RAP1B: variants seen among roughly 807,000 people sequenced by gnomAD.
RAP1B encodes the protein ras-related protein Rap-1b.
A neutral mutation model predicts 27.5 loss-of-function variants in RAP1B; 1 was observed. That is an observed-to-expected ratio of 0.04 (90% CI 0.01 to 0.17). The LOEUF (loss-of-function observed/expected upper bound fraction) is 0.17, where lower values mean the gene tolerates loss of function less well. RAP1B is among the 10% of genes least tolerant of loss of function. RAP1B has a pLI of 1.00. For missense variants in RAP1B, 84 were observed against 214.8 expected, an observed-to-expected ratio of 0.39 and a Z score of 3.81; for synonymous variants, 75 against 73.1, an observed-to-expected ratio of 1.03 and a Z score of -0.13.
At chr12:68,635,593 T>A (rs531945795) in intron 1 of RAP1B, among the ~76,000 whole-genome samples, 2 of 151,882 alleles carry the variant, frequency 1.3e-5, no homozygotes, top group African/African-American at 4.8e-5. Flanking sequence ...ATAGCTGGGA[T>A]TACAGGCGCC....
chr12:68,632,877 C>G (rs1226136079), intron 1 of RAP1B, among the ~76,000 whole-genome samples: 5 of 152,096 alleles, frequency 3.3e-5, no homozygotes, highest in Non-Finnish European at 5.9e-5. Flanking sequence ...ACTATGTTGT[C>G]TAGGCTGGTC....
chr12:68,623,050 AT>A (rs1871495670), intron 1 of RAP1B, among the ~76,000 whole-genome samples: 1 of 152,138 alleles, frequency 6.6e-6, no homozygotes. Context: ...ATAATTCCTC[AT>A]TTTTTATTTA....
intron 4 of RAP1B, 22 bp from the exon 5 acceptor site, chr12:68,654,090 C>T (rs756178270): frequency 1.4e-5 from 21 of 1,552,748 alleles, no homozygotes; most frequent in East Asian, 2.3e-5. Flanking sequence ...TGTTTTTTAA[C>T]GTTCCTTTCT....
At chr12:68,612,001 C>T (rs569391406) in intron 1 of RAP1B, among the ~76,000 whole-genome samples, 1 of 152,122 alleles carries the variant, frequency 6.6e-6, no homozygotes. Flanking sequence ...CCCCCCTCTC[C>T]CACTCTCTTT....
rs1873122179 is a variant in RAP1B, at chr12:68,642,889, A to G, written c.-26-5810A>G. The G allele has an allele frequency of 2.1e-6, 2 of 968,890 alleles. 1 individual carries two copies. Among genetic ancestry groups the G allele is most frequent in the Non-Finnish European group, 3.4e-6 (2 of 591,692 alleles). 60.0% of individuals were successfully genotyped at this position (968,890 alleles called of 1,614,324 possible). A position where few individuals can be genotyped will look rare whatever the true frequency, so the allele number is the denominator to read the frequency against. ...CAGCCAACCTGGAGGTGAGGGTCTCATTCCAGGATTTCAGGAAACTAGCAA... is the reference window on the plus strand; with the variant it reads ...CAGCCAACCTGGAGGTGAGGGTCTCGTTCCAGGATTTCAGGAAACTAGCAA... On this transcript the variant is annotated intron_variant, in intron 1 of 7. Coordinates refer to ENST00000250559, the MANE Select transcript of RAP1B (RefSeq NM_001010942.3).
intron 1 of RAP1B, among the ~76,000 whole-genome samples, chr12:68,613,379 A>G (rs2135904959): frequency 7.2e-6 from 1 of 139,586 alleles, no homozygotes; most frequent in South Asian, 2.5e-4. Context: ...TGACAGAGCT[A>G]GACCTGTCTT....
chr12:68,639,369 C>T (rs532281796), intron 1 of RAP1B, among the ~76,000 whole-genome samples: 15 of 152,144 alleles, frequency 9.9e-5, no homozygotes, highest in African/African-American at 2.9e-4. Context: ...TCAAAATATA[C>T]GACTTTTTAA....
intron 1 of RAP1B, among the ~76,000 whole-genome samples, chr12:68,613,496 C>T (rs1228251256): frequency 6.6e-6 from 1 of 151,926 alleles, no homozygotes; most frequent in African/African-American, 2.4e-5. Flanking sequence ...CCTTCTATGA[C>T]ACGCATTACT....
intron 7 of RAP1B, among the ~76,000 whole-genome samples, chr12:68,658,432 C>G (rs1874382140): frequency 6.6e-6 from 1 of 152,202 alleles, no homozygotes; most frequent in South Asian, 2.1e-4. Flanking sequence ...AGAATGAGGA[C>G]CTAAAGTTCT....
At chr12:68,653,718 G>A (rs1364068556) in intron 4 of RAP1B, among the ~76,000 whole-genome samples, 1 of 152,122 alleles carries the variant, frequency 6.6e-6, no homozygotes, top group Non-Finnish European at 1.5e-5. Context: ...CACAAGGTCA[G>A]GAGATGGAGA....
At chr12:68,627,282 G>T in intron 1 of RAP1B, 2 of 877,326 alleles carry the variant, frequency 2.3e-6, no homozygotes, top group Non-Finnish European at 3.8e-6. Flanking sequence ...CAACACACAG[G>T]CTGCATACAC....
Position 68,670,634 on chromosome 12 carries a change from T to C in RAP1B, c.*11385T>C, listed in dbSNP as rs901313223. 1.3e-5 allele frequency: 2 copies of C among 152,204 alleles called. No homozygotes were observed. Among genetic ancestry groups the C allele is most frequent in the African/African-American group, 4.8e-5 (2 of 41,444 alleles). 9.4% of individuals were successfully genotyped at this position (152,204 alleles called of 1,614,324 possible). A position where few individuals can be genotyped will look rare whatever the true frequency, so the allele number is the denominator to read the frequency against. On this transcript the variant is annotated 3_prime_UTR_variant, in exon 8 of 8. Coordinates refer to ENST00000250559, the MANE Select transcript of RAP1B (RefSeq NM_001010942.3). ...TAAATCCATCACAAAGCTGAAAAAT[T>C]ATAAGTAAAACTGTAAGTCACAGAC...
chr12:68,640,940 C>G (rs1428312557), intron 1 of RAP1B: 1 of 152,148 alleles, frequency 6.6e-6, no homozygotes, highest in African/African-American at 2.4e-5. Flanking sequence ...TGTGAAAATA[C>G]TAGTTAATAA....
chr12:68,619,065 G>A (rs1039366477), intron 1 of RAP1B, among the ~76,000 whole-genome samples: 6 of 152,142 alleles, frequency 3.9e-5, no homozygotes, highest in Admixed American at 2.6e-4. Context: ...GTGCCACTGC[G>A]CTTCAACCTG....
At chr12:68,656,866 CTAAGT>C (rs1354256344) in intron 6 of RAP1B, among the ~76,000 whole-genome samples, 1 of 152,134 alleles carries the variant, frequency 6.6e-6, no homozygotes, top group Non-Finnish European at 1.5e-5. Context: ...TCTAATTGAA[CTAAGT>C]TAAGATCTCT....
At chr12:68,623,469 A>T (rs527552094) in intron 1 of RAP1B, among the ~76,000 whole-genome samples, 1 of 152,354 alleles carries the variant, frequency 6.6e-6, no homozygotes, top group Non-Finnish European at 1.5e-5. Flanking sequence ...TTATCTATAT[A>T]TAACCTTTGG....
intron 5 of RAP1B, 104 bp downstream of exon 5, chr12:68,654,356 G>GC (rs201470977): frequency 3.5e-5 from 16 of 453,060 alleles, no homozygotes; most frequent in South Asian, 2.3e-4. Context: ...TTGGTTGGGG[G>GC]GGGGGTGTTG....
intron 1 of RAP1B, among the ~76,000 whole-genome samples, chr12:68,643,719 A>G (rs972855357): frequency 6.6e-6 from 1 of 152,150 alleles, no homozygotes; most frequent in African/African-American, 2.4e-5. Flanking sequence ...TGAGTTTTCT[A>G]AAGTCTACTT....
intron 1 of RAP1B, among the ~76,000 whole-genome samples, chr12:68,647,262 T>C: frequency 6.6e-6 from 1 of 151,400 alleles, no homozygotes; most frequent in Non-Finnish European, 1.5e-5. Context: ...AAGCCGGGTG[T>C]GGTGGCTCAC....
Sources: gnomAD v4.1 joint callset for allele counts (sites outside exome capture counted in the v4.1 genomes callset) on GRCh38, gnomAD v4.1.1 for gene constraint, MANE v1.5 for transcripts, NCBI Gene and HGNC (gene_info 2026-07-23, HGNC 2026-07-21) for gene names.